Variants in N4BP3 observed in about 807,000 individuals in gnomAD.
The protein encoded by N4BP3 is NEDD4 binding protein 3.
N4BP3 carries 33 observed loss-of-function variants against 43.8 expected under a neutral mutation model. The observed-to-expected ratio is 0.75, with a 90% CI of 0.57 to 1.01. The LOEUF (loss-of-function observed/expected upper bound fraction) is 1.01. Ranked by LOEUF, N4BP3 falls within the 50% of genes least tolerant of loss-of-function variation. The probability of loss-of-function intolerance (pLI) is 0.00; values close to 1 mark genes in which losing one functional copy is unlikely to be tolerated. For missense variants in N4BP3, 756 were observed against 744.2 expected, an observed-to-expected ratio of 1.02 and a Z score of -0.18; for synonymous variants, 326 against 321.9, an observed-to-expected ratio of 1.01 and a Z score of -0.14.
At position 178,122,133 on chromosome 5, in the gene N4BP3, G is replaced by C; in HGVS notation, c.*132G>C. Reference sequence around the variant, plus strand: ...CGGGGCTGGGGAGGCGCAAGGAGAGGAGGGATCCAGTGGGGCCGTGGGCTG... The same window carrying C: ...CGGGGCTGGGGAGGCGCAAGGAGAGCAGGGATCCAGTGGGGCCGTGGGCTG... On this transcript the variant is annotated 3_prime_UTR_variant, in exon 5 of 5. Transcript: ENST00000274605. 1 of 1,204,092 alleles carries C rather than the reference G, an allele frequency of 8.3e-7. No homozygotes were observed. The highest frequency in any genetic ancestry group is 1.1e-6 in the Non-Finnish European group (1 of 889,774). The allele number at this position is 1,204,092 out of a possible 1,614,324, so 74.6% of individuals were successfully genotyped here. A position where few individuals can be genotyped will look rare whatever the true frequency, so the allele number is the denominator to read the frequency against.
In N4BP3 at chr5:178,121,895, G is replaced by T; in HGVS notation, c.1529G>T (p.Gly510Val). The change falls in exon 5 of 5, where the codon GGG (glycine) becomes GTG (valine). Residue 510 changes from glycine (G) to valine (V), a missense_variant. Coordinates refer to ENST00000274605, the MANE Select transcript of N4BP3 (RefSeq NM_015111.2). ...VLRYQREIQG[G>V]YMDMYRRNQA... ...CGCTACCAGCGGGAGATCCAGGGAGGGTACATGGACATGTACCGCCGCAAC... is the reference window on the plus strand; with the variant it reads ...CGCTACCAGCGGGAGATCCAGGGAGTGTACATGGACATGTACCGCCGCAAC... The T allele has an allele frequency of 6.2e-7, 1 of 1,611,194 alleles. No individual in the cohort carries two copies. The highest frequency in any genetic ancestry group is 8.5e-7 in the Non-Finnish European group (1 of 1,179,582).
At position 178,122,618 on chromosome 5, in the gene N4BP3, A is replaced by C. The variant is rs2113323841; in HGVS notation, c.*617A>C. On this transcript the variant is annotated 3_prime_UTR_variant, in exon 5 of 5. Transcript: ENST00000274605. ...GGTTCCTTAGCTGCCGTGTGGGCTG[A>C]AATTCCTTTCTTTAGCACCAGTGGA... 6.6e-6 allele frequency: 1 copy of C among 152,334 alleles called. No homozygotes were observed. The highest frequency in any genetic ancestry group is 2.4e-5 in the African/African-American group (1 of 41,572). 9.4% of individuals were successfully genotyped at this position (152,334 alleles called of 1,614,324 possible).
intron 1 of N4BP3, among the ~76,000 whole-genome samples, chr5:178,114,112 T>C (rs906569193): frequency 1.3e-5 from 2 of 152,044 alleles, no homozygotes; most frequent in South Asian, 4.1e-4. Context: ...CAGGCGTCCT[T>C]GGCGCCGGCG....
rs774793593 is a variant in N4BP3, at chr5:178,120,420, C to A, written c.573C>A (p.Ser191=). Residue 191 remains serine, a synonymous_variant, in exon 3 of 5, where the codon TCC becomes TCA. Coordinates refer to ENST00000274605, the MANE Select transcript of N4BP3 (RefSeq NM_015111.2). ...AGCCCGAGCCCAGCCTGTCCGACTC[C>A]TCCAGTGGGGGTAGTTTTGGTCGCA... ...GPEPEPSLSD[S]SSGGSFGRSP... 4 of 1,613,038 alleles carry A rather than the reference C, an allele frequency of 2.5e-6. No homozygotes were observed. The highest frequency in any genetic ancestry group is 3.4e-6 in the Non-Finnish European group (4 of 1,179,998).
At chr5:178,117,372 T>G (rs1044842817) in intron 1 of N4BP3, among the ~76,000 whole-genome samples, 2 of 151,968 alleles carry the variant, frequency 1.3e-5, no homozygotes, top group African/African-American at 4.8e-5. Context: ...CAATCCTAGG[T>G]CCCACTAGAC....
chr5:178,121,320 A>G lies in N4BP3; in HGVS notation c.1075A>G (p.Ser359Gly). 1.2e-6 allele frequency: 2 copies of G among 1,603,784 alleles called. No individual in the cohort carries two copies. Among genetic ancestry groups the G allele is most frequent in the South Asian group, 2.2e-5 (2 of 90,414 alleles). The change falls in exon 4 of 5, where the codon AGT (serine) becomes GGT (glycine). Residue 359 changes from serine (S) to glycine (G), a missense_variant. Transcript: ENST00000274605. ...APGTLPEADP[S>G]ARPEEEARWE... is the part of the protein sequence containing the mutation. ...CGGCACCCTCCCAGAGGCTGACCCCAGTGCACGACCAGAGGAGGAAGCCCG... is the reference window on the plus strand; with the variant it reads ...CGGCACCCTCCCAGAGGCTGACCCCGGTGCACGACCAGAGGAGGAAGCCCG...
At position 178,119,881 on chromosome 5, in the gene N4BP3, A is replaced by C. The variant is rs1490355643; in HGVS notation, c.298A>C (p.Thr100Pro). ...TTCTCGCGCGGGTGACTTCAGCAAG[A>C]CCTCGCTGCCAGAACGGGGTCGCTT... ...EHSRAGDFSK[T>P]SLPERGRFDK... Residue 100 changes from threonine to proline, a missense_variant, in exon 2 of 5, where the codon ACC (threonine) becomes CCC (proline). By Grantham distance (38) the Thr-to-Pro change is conservative. Coordinates refer to ENST00000274605, the MANE Select transcript of N4BP3 (RefSeq NM_015111.2). The C allele has an allele frequency of 1.9e-6, 3 of 1,610,716 alleles. No homozygotes were observed. Among genetic ancestry groups the C allele is most frequent in the Non-Finnish European group, 2.5e-6 (3 of 1,179,604 alleles).
rs953719260 is a variant in N4BP3 at position 178,123,542 on chromosome 5, T to C, written c.*1541T>C. The C allele has an allele frequency of 6.5e-6, 1 of 152,714 alleles. No homozygotes were observed. The highest frequency in any genetic ancestry group is 2.4e-5 in the African/African-American group (1 of 41,450). 9.5% of individuals were successfully genotyped at this position (152,714 alleles called of 1,614,324 possible). On this transcript the variant is annotated 3_prime_UTR_variant, in exon 5 of 5. Coordinates refer to ENST00000274605, the MANE Select transcript of N4BP3 (RefSeq NM_015111.2). ...TCAGGCCCCACAGGTGGGTCCTGGT[T>C]GTGAAGTGGAGTTAGTGCACATGGA...
At chr5:178,115,503 A>C (rs1240695257) in intron 1 of N4BP3, among the ~76,000 whole-genome samples, 1 of 152,082 alleles carries the variant, frequency 6.6e-6, no homozygotes, top group Non-Finnish European at 1.5e-5. Flanking sequence ...ACTCCTGCCC[A>C]TGTGGGGACT....
At position 178,120,504 on chromosome 5, in the gene N4BP3, G is replaced by A. The variant is rs768180896; in HGVS notation, c.657G>A (p.Gly219=). 5 of 1,613,060 alleles carry A rather than the reference G, an allele frequency of 3.1e-6. No homozygotes were observed. The highest frequency in any genetic ancestry group is 1.6e-4 in the Middle Eastern group (1 of 6,062). Residue 219 remains glycine, a synonymous_variant, in exon 3 of 5, where the codon GGG becomes GGA. Transcript: ENST00000274605. ...SSSLGHLNHL[G]GSLDRASQGP... ...CCCTTGGCCACCTTAACCACCTCGG[G>A]GGCTCCCTGGACCGGGCCTCTCAAG...
At position 178,123,023 on chromosome 5, in the gene N4BP3, A is replaced by G. The variant is rs769037296; in HGVS notation, c.*1022A>G. 2 of 152,292 alleles carry G rather than the reference A, an allele frequency of 1.3e-5. No individual in the cohort carries two copies. The highest frequency in any genetic ancestry group is 2.9e-5 in the Non-Finnish European group (2 of 68,094). The allele number at this position is 152,292 out of a possible 1,614,324, so 9.4% of individuals were successfully genotyped here. Reference sequence around the variant, plus strand: ...GATTTGCATTCTGGAAAGCTCTCCCAGGAGGAAGCATTCCCCACCCCACCT... The same window carrying G: ...GATTTGCATTCTGGAAAGCTCTCCCGGGAGGAAGCATTCCCCACCCCACCT... On this transcript the variant is annotated 3_prime_UTR_variant, in exon 5 of 5. Coordinates refer to ENST00000274605, the MANE Select transcript of N4BP3 (RefSeq NM_015111.2).
chr5:178,125,511 C>T lies in N4BP3; in HGVS notation c.*3510C>T, dbSNP rs1317598356. The T allele has an allele frequency of 6.6e-6, 1 of 152,266 alleles. No individual in the cohort carries two copies. The highest frequency in any genetic ancestry group is 1.5e-5 in the Non-Finnish European group (1 of 68,064). 9.4% of individuals were successfully genotyped at this position (152,266 alleles called of 1,614,324 possible). On this transcript the variant is annotated 3_prime_UTR_variant, in exon 5 of 5. Coordinates refer to ENST00000274605, the MANE Select transcript of N4BP3 (RefSeq NM_015111.2). ...GGTTTCTGCAAAGAGGGCGCAGGCC[C>T]TGCAGTGACGGTTCAGATATTGATA...
chr5:178,121,751 G>C lies in N4BP3; in HGVS notation c.1385G>C (p.Arg462Thr), dbSNP rs1284559088. The C allele has an allele frequency of 6.2e-7, 1 of 1,608,176 alleles. No homozygotes were observed. The highest frequency in any genetic ancestry group is 8.5e-7 in the Non-Finnish European group (1 of 1,179,828). The part of the protein sequence containing the change: ...LLGEAGGSEA[R>T]DSAEQLRAEL... ...GGGGAGGCAGGAGGCAGCGAGGCCA[G>C]AGACAGTGCTGAGCAGCTGCGGGCT... is the stretch of plus-strand genomic sequence containing the variant. Residue 462 changes from arginine to threonine, a missense_variant, in exon 5 of 5, where the codon AGA becomes ACA. Coordinates refer to ENST00000274605, the MANE Select transcript of N4BP3 (RefSeq NM_015111.2).
chr5:178,125,427 G>A lies in N4BP3; in HGVS notation c.*3426G>A, dbSNP rs947085975. The A allele has an allele frequency of 1.3e-5, 2 of 152,480 alleles. No homozygotes were observed. Among genetic ancestry groups the A allele is most frequent in the East Asian group, 3.8e-4 (2 of 5,208 alleles). The allele number at this position is 152,480 out of a possible 1,614,324, so 9.4% of individuals were successfully genotyped here. ...GTCAGCAGAGCATGGAGCAGGCAGA[G>A]GAAGCCTATCTGTGGGGCTGGGTAC... On this transcript the variant is annotated 3_prime_UTR_variant, in exon 5 of 5. Transcript: ENST00000274605.
intron 2 of N4BP3, 41 bp downstream of exon 2, chr5:178,119,954 T>G: frequency 3.9e-6 from 6 of 1,540,790 alleles, no homozygotes; most frequent in Non-Finnish European, 5.2e-6. Context: ...GTGGGGAGGG[T>G]GGGGTCTCCT....
chr5:178,115,850 C>T (rs145533065), intron 1 of N4BP3, among the ~76,000 whole-genome samples: 144 of 152,310 alleles, frequency 9.5e-4, no homozygotes, highest in Admixed American at 2.5e-3. Flanking sequence ...AATTCCTCTC[C>T]GTGTTCAGAG....
chr5:178,115,916 C>T (rs1040109877), intron 1 of N4BP3, among the ~76,000 whole-genome samples: 7 of 152,120 alleles, frequency 4.6e-5, no homozygotes, highest in Non-Finnish European at 8.8e-5. Flanking sequence ...GGACTGGTGG[C>T]GGGGAGCAGG....
chr5:178,119,658 C>T lies in N4BP3; in HGVS notation c.75C>T (p.Ser25=). The T allele has an allele frequency of 6.2e-7, 1 of 1,604,704 alleles. No homozygotes were observed. Among genetic ancestry groups the T allele is most frequent in the Non-Finnish European group, 8.5e-7 (1 of 1,175,624 alleles). The change falls in exon 2 of 5, where the codon TCC becomes TCT. Residue 25 remains serine (S), a synonymous_variant. Coordinates refer to ENST00000274605, the MANE Select transcript of N4BP3 (RefSeq NM_015111.2). ...GCCTGTTGGAACGGCAGGACTTCTC[C>T]CCTGAAGAGCTGCGGGCGGCACTTG... ...VGSLLERQDF[S]PEELRAALAG...
At chr5:178,115,489 C>T (rs1167116283) in intron 1 of N4BP3, among the ~76,000 whole-genome samples, 1 of 152,162 alleles carries the variant, frequency 6.6e-6, no homozygotes, top group Non-Finnish European at 1.5e-5. Context: ...CCAGGGCAGG[C>T]AGCACTCCTG....
Sources: gnomAD v4.1 joint callset for allele counts (sites outside exome capture counted in the v4.1 genomes callset) on GRCh38, gnomAD v4.1.1 for gene constraint, MANE v1.5 for transcripts, NCBI Gene and HGNC (gene_info 2026-07-23, HGNC 2026-07-21) for gene names.